Variants in PANK2 observed in about 807,000 individuals in gnomAD.
PANK2 encodes pantothenate kinase 2, mitochondrial.
Under a neutral mutation model 43.1 loss-of-function variants are expected in PANK2, and 36 were observed. That is an observed-to-expected ratio of 0.84 (90% CI 0.64 to 1.10). The LOEUF is 1.10. Among genes scored for constraint, PANK2 ranks in the 50% least tolerant of loss-of-function variants. PANK2 has a pLI of 0.00. For synonymous variants in PANK2, 281 were observed against 238.2 expected (o/e 1.18, Z -1.66); for missense variants, 576 against 593.3 (o/e 0.97, Z 0.30).
intron 6 of PANK2, among the ~76,000 whole-genome samples, chr20:3,920,228 T>C (rs1013761106): frequency 7.0e-6 from 1 of 142,348 alleles, no homozygotes; most frequent in Admixed American, 6.9e-5. Flanking sequence ...AAAAAAAAAA[T>C]AGGCTGGGTG....
At chr20:3,892,545 C>T (rs570627445) in intron 1 of PANK2, among the ~76,000 whole-genome samples, 11 of 151,564 alleles carry the variant, frequency 7.3e-5, no homozygotes, top group Non-Finnish European at 1.5e-4. Context: ...GGTGTGGTGA[C>T]GCGTGCCCGT....
At chr20:3,896,966 A>T (rs1414306736) in intron 1 of PANK2, among the ~76,000 whole-genome samples, 2 of 152,210 alleles carry the variant, frequency 1.3e-5, no homozygotes, top group South Asian at 4.1e-4. Context: ...CAGATTGGCA[A>T]CTGGTGTCTG....
Position 3,927,364 on chromosome 20 carries a change from A to G in PANK2, c.*4070A>G, listed in dbSNP as rs996320248. On this transcript the variant is annotated 3_prime_UTR_variant, in exon 7 of 7. Transcript: ENST00000610179. Reference sequence around the variant, plus strand: ...TTTGAGTCAATTACATGCATGTTTTATTTTTGAGGAGTGATTAGCAAAATG... The same window carrying G: ...TTTGAGTCAATTACATGCATGTTTTGTTTTTGAGGAGTGATTAGCAAAATG... The G allele has an allele frequency of 6.6e-6, 1 of 152,196 alleles. No individual in the cohort carries two copies. The highest frequency in any genetic ancestry group is 2.4e-5 in the African/African-American group (1 of 41,454). The allele number at this position is 152,196 out of a possible 1,614,324, so 9.4% of individuals were successfully genotyped here.
Position 3,903,611 on chromosome 20 carries a change from C to T in PANK2, c.299-4315C>T, listed in dbSNP as rs116506926. On this transcript the variant is annotated intron_variant, in intron 1 of 6. Transcript: ENST00000610179. ...CTCCCAAGTAGCTGGGATTTCAGCG[C>T]GTTCCACCACGCCCAGCTAATTTTT... 5.3e-3 allele frequency among the ~76,000 whole-genome samples: 795 copies of T among 150,492 alleles called. 9 individuals are homozygous for T. Among genetic ancestry groups the T allele is most frequent in the African/African-American group, 0.017 (699 of 41,098 alleles).
chr20:3,920,393 A>G (rs887073874), intron 6 of PANK2, among the ~76,000 whole-genome samples: 18 of 152,070 alleles, frequency 1.2e-4, no homozygotes, highest in African/African-American at 3.4e-4. Flanking sequence ...GCGGGCGCCT[A>G]TAATCCCCAG....
At position 3,923,438 on chromosome 20, in the gene PANK2, T is replaced by G; in HGVS notation, c.*144T>G. 2 of 894,284 alleles carry G rather than the reference T, an allele frequency of 2.2e-6. No homozygotes were observed. Among genetic ancestry groups the G allele is most frequent in the Non-Finnish European group, 3.5e-6 (2 of 565,326 alleles). 55.4% of individuals were successfully genotyped at this position (894,284 alleles called of 1,614,324 possible). ...GGTGTATTTTTCTAAGTCATCAAGA[T>G]AAATCCTTAAGAATTCAGTCTAAAT... On this transcript the variant is annotated 3_prime_UTR_variant, in exon 7 of 7. Transcript: ENST00000610179.
At position 3,912,669 on chromosome 20, in the gene PANK2, G is replaced by A. The variant is rs201290979; in HGVS notation, c.1082+35G>A. ...CATGTGTGTTCTAAGAAATACAGGC[G>A]GGCCGGGCGCGGTGGCTCATGCCTT... is the stretch of plus-strand genomic sequence containing the variant. On this transcript the variant is annotated intron_variant, in intron 4 of 6. Coordinates refer to ENST00000610179, the MANE Select transcript of PANK2 (RefSeq NM_001386393.1). 59 of 1,610,196 alleles carry A rather than the reference G, an allele frequency of 3.7e-5. No individual in the cohort carries two copies. In the Middle Eastern group the frequency reaches 1.0e-3, roughly 28 times the overall value.
intron 1 of PANK2, among the ~76,000 whole-genome samples, chr20:3,898,955 C>T (rs1188429543): frequency 1.3e-5 from 2 of 150,580 alleles, no homozygotes; most frequent in African/African-American, 4.9e-5. Context: ...GCTCACTGCA[C>T]CCTCTGCCTC....
intron 1 of PANK2, among the ~76,000 whole-genome samples, chr20:3,901,235 T>C (rs1054049039): frequency 8.0e-5 from 12 of 150,226 alleles, no homozygotes; most frequent in Non-Finnish European, 1.3e-4. Flanking sequence ...TTTTTAGAGA[T>C]GTGGTCTTGC....
chr20:3,899,780 T>A (rs1464412939), intron 1 of PANK2, among the ~76,000 whole-genome samples: 8 of 147,038 alleles, frequency 5.4e-5, no homozygotes, highest in East Asian at 4.1e-4. Context: ...CGATCTTGGC[T>A]CACTGCAAGC....
intron 6 of PANK2, among the ~76,000 whole-genome samples, chr20:3,919,980 T>C (rs1174215959): frequency 6.6e-6 from 1 of 152,218 alleles, no homozygotes; most frequent in Non-Finnish European, 1.5e-5. Context: ...ATTGAAGTCA[T>C]CTAACTTAGT....
intron 1 of PANK2, among the ~76,000 whole-genome samples, chr20:3,906,215 A>G (rs1226739617): frequency 1.3e-5 from 2 of 151,982 alleles, no homozygotes; most frequent in African/African-American, 4.8e-5. Context: ...GCTTGAGCCC[A>G]GGAGTTCAAG....
chr20:3,905,466 C>T (rs1414011168), intron 1 of PANK2, among the ~76,000 whole-genome samples: 2 of 151,640 alleles, frequency 1.3e-5, no homozygotes, highest in African/African-American at 4.9e-5. Flanking sequence ...CCTGCCTCAG[C>T]CTGCTGAGTA....
intron 1 of PANK2, among the ~76,000 whole-genome samples, chr20:3,903,891 T>C (rs2090345956): frequency 6.6e-6 from 1 of 152,008 alleles, no homozygotes; most frequent in Non-Finnish European, 1.5e-5. Flanking sequence ...CCTCCCAAAG[T>C]GTTGGGATTA....
At position 3,910,030 on chromosome 20, in the gene PANK2, A is replaced by G. The variant is rs550872080; in HGVS notation, c.652-547A>G. On this transcript the variant is annotated intron_variant, in intron 2 of 6. Coordinates refer to ENST00000610179, the MANE Select transcript of PANK2 (RefSeq NM_001386393.1). ...TGCTAAAATTCCCCTCCCTCCCAAG[A>G]GGCTGTAGCTAGTTTAGATAGTGAA... Among the ~76,000 whole-genome samples the G allele has an allele frequency of 2.6e-5, 4 of 152,346 alleles. No individual in the cohort carries two copies. The East Asian group carries it at 7.7e-4, about 29-fold the overall frequency.
At chr20:3,917,489 C>T (rs773189554) in intron 5 of PANK2, 10 of 534,718 alleles carry the variant, frequency 1.9e-5, no homozygotes, top group East Asian at 1.6e-4. Flanking sequence ...AGCAGAGCTG[C>T]GTCTTTGTGC....
At chr20:3,911,902 A>T (rs774691610) in intron 3 of PANK2, among the ~76,000 whole-genome samples, 6 of 152,176 alleles carry the variant, frequency 3.9e-5, no homozygotes, top group Admixed American at 6.5e-5. Flanking sequence ...AAAAAAAAAA[A>T]TGAGGATTAG....
chr20:3,915,593 C>A (rs1000691962), intron 4 of PANK2, among the ~76,000 whole-genome samples: 1 of 152,104 alleles, frequency 6.6e-6, no homozygotes, highest in Admixed American at 6.6e-5. Context: ...ACCACGCCCG[C>A]CAGTTTTAGC....
At chr20:3,888,963 G>GT, upstream of PANK2, 33 of 647,304 alleles carry the variant, frequency 5.1e-5, no homozygotes, top group Admixed American at 1.8e-4. Context: ...CGCTGCGGGA[G>GT]CACTGCTGGG....
Sources: allele counts gnomAD v4.1 joint callset (sites outside exome capture counted in the v4.1 genomes callset), GRCh38; gene constraint gnomAD v4.1.1; transcripts MANE v1.5; gene names NCBI Gene and HGNC (gene_info 2026-07-23, HGNC 2026-07-21).